SLC2A9: variants seen among roughly 807,000 people sequenced by gnomAD.
SLC2A9 encodes solute carrier family 2, facilitated glucose transporter member 9.
A neutral mutation model predicts 50.6 loss-of-function variants in SLC2A9; 39 were observed. The observed-to-expected ratio is 0.77, with a 90% CI of 0.60 to 1.01. The LOEUF (loss-of-function observed/expected upper bound fraction) is 1.01, where lower values mean the gene tolerates loss of function less well. SLC2A9 is among the 50% of genes least tolerant of loss of function. The pLI is 0.00. For missense variants in SLC2A9, 686 were observed against 677.6 expected (o/e 1.01, Z -0.14); for synonymous variants, 324 against 276.9 (o/e 1.17, Z -1.69).
chr4:9,973,552 TC>T (rs1429416388), intron 5 of SLC2A9, among the ~76,000 whole-genome samples: 1 of 151,960 alleles, frequency 6.6e-6, no homozygotes, highest in Non-Finnish European at 1.5e-5. Context: ...AGAGTTCATG[TC>T]CTTTGTAGGG....
chr4:9,786,041 A>C (rs537832879), intron 3 of SLC2A9, among the ~76,000 whole-genome samples: 1 of 152,328 alleles, frequency 6.6e-6, no homozygotes, highest in Admixed American at 6.5e-5. Flanking sequence ...TGGCAAGTGC[A>C]AAGGCTTGGA....
chr4:9,794,110 T>C (rs1183274541), downstream of SLC2A9, among the ~76,000 whole-genome samples: 1 of 152,194 alleles, frequency 6.6e-6, no homozygotes, highest in Non-Finnish European at 1.5e-5. Flanking sequence ...CCATATCATA[T>C]GCCACATTAG....
intron 5 of SLC2A9, among the ~76,000 whole-genome samples, chr4:9,962,536 T>C (rs1578102368): frequency 6.6e-6 from 1 of 151,656 alleles, no homozygotes; most frequent in Non-Finnish European, 1.5e-5. Flanking sequence ...ACGGACACAG[T>C]GAGGGGAACA....
At position 9,809,349 on chromosome 4, in the gene SLC2A9, G is replaced by T. The variant is rs561289182; in HGVS notation, n.421-10108C>A. On this transcript the variant is annotated intron_variant and non_coding_transcript_variant, in intron 3 of 3. Coordinates refer to the SLC2A9 transcript ENST00000503280. ...ATGGGAATGTTAGTGTTGCTCTGAA[G>T]CCAGGAAAGCACCTAGTTAGTGAGG... is the stretch of plus-strand genomic sequence containing the variant. Among the ~76,000 whole-genome samples, 6 of 152,272 alleles carry T rather than the reference G, an allele frequency of 3.9e-5. No individual in the cohort carries two copies. The East Asian group carries it at 1.2e-3, about 29-fold the overall frequency.
In SLC2A9 at chr4:9,826,263, T is replaced by C; in HGVS notation, c.*134A>G. 2.4e-6 allele frequency: 2 copies of C among 821,204 alleles called. No individual in the cohort carries two copies. The highest frequency in any genetic ancestry group is 1.5e-5 in the South Asian group (1 of 64,546). The allele number at this position is 821,204 out of a possible 1,614,324, so 50.9% of individuals were successfully genotyped here. Reference sequence around the variant, plus strand: ...GTTTACTTTTAAATATTTAATAATATAAAAGACTTGCATAGCTTCAATTCA... The same window carrying C: ...GTTTACTTTTAAATATTTAATAATACAAAAGACTTGCATAGCTTCAATTCA... On this transcript the variant is annotated 3_prime_UTR_variant, in exon 12 of 12. Coordinates refer to ENST00000264784, the MANE Select transcript of SLC2A9 (RefSeq NM_020041.3).
chr4:9,970,213 A>C (rs1457077962), intron 5 of SLC2A9, among the ~76,000 whole-genome samples: 1 of 152,196 alleles, frequency 6.6e-6, no homozygotes, highest in Non-Finnish European at 1.5e-5. Context: ...AATGTTGAGA[A>C]GGAGCAGCAT....
chr4:9,797,405 A>G (rs1236455808), downstream of SLC2A9, among the ~76,000 whole-genome samples: 3 of 152,214 alleles, frequency 2.0e-5, no homozygotes, highest in African/African-American at 4.8e-5. Flanking sequence ...TGTTCTTTGC[A>G]TGACCACTCT....
At chr4:9,943,086 TC>T (rs967569270) in intron 5 of SLC2A9, among the ~76,000 whole-genome samples, 2 of 152,098 alleles carry the variant, frequency 1.3e-5, no homozygotes, top group Non-Finnish European at 2.9e-5. Flanking sequence ...TCCCCACCTC[TC>T]CCCCAGCTGC....
chr4:9,846,524 G>T (rs1729021408), intron 10 of SLC2A9, among the ~76,000 whole-genome samples: 1 of 152,158 alleles, frequency 6.6e-6, no homozygotes. Flanking sequence ...CTCTCAGTGG[G>T]CTCCTCTGGC....
chr4:9,783,103 C>G, intron 3 of SLC2A9: 3 of 1,614,240 alleles, frequency 1.9e-6, no homozygotes, highest in Non-Finnish European at 2.5e-6. Context: ...ACCCCGTCAT[C>G]TATGCCTTCA....
At chr4:9,967,873 A>C (rs1419057348) in intron 5 of SLC2A9, among the ~76,000 whole-genome samples, 1 of 152,078 alleles carries the variant, frequency 6.6e-6, no homozygotes, top group Non-Finnish European at 1.5e-5. Flanking sequence ...AGTCTGTGTA[A>C]GTTGTAAAAG....
chr4:9,968,470 T>C (rs1048513119), intron 5 of SLC2A9, among the ~76,000 whole-genome samples: 44 of 152,298 alleles, frequency 2.9e-4, no homozygotes, highest in African/African-American at 9.6e-4. Context: ...ACACTAAAAA[T>C]GTTTGTCTCA....
intron 3 of SLC2A9, among the ~76,000 whole-genome samples, chr4:9,799,947 G>A (rs781600411): frequency 2.0e-5 from 3 of 152,234 alleles, no homozygotes; most frequent in Admixed American, 6.5e-5. Flanking sequence ...TTCAAGGGCG[G>A]ATGATGTGCT....
chr4:9,911,491 C>T (rs1471173841), intron 7 of SLC2A9, among the ~76,000 whole-genome samples: 3 of 152,166 alleles, frequency 2.0e-5, no homozygotes, highest in Non-Finnish European at 4.4e-5. Flanking sequence ...GCATCCTGCC[C>T]CGGAGCCCCG....
chr4:9,898,566 T>C (rs1739003082), intron 8 of SLC2A9, among the ~76,000 whole-genome samples: 1 of 152,256 alleles, frequency 6.6e-6, no homozygotes, highest in South Asian at 2.1e-4. Flanking sequence ...TACAGCGTCC[T>C]ACATGAGTTC....
chr4:9,789,995 T>C (rs1038022071), intron 3 of SLC2A9, among the ~76,000 whole-genome samples: 4 of 152,240 alleles, frequency 2.6e-5, no homozygotes, highest in African/African-American at 9.6e-5. Flanking sequence ...CATCTTCTCA[T>C]GCAATCATTG....
At chr4:10,022,954 G>A (rs995570106), upstream of SLC2A9, among the ~76,000 whole-genome samples, 7 of 152,206 alleles carry the variant, frequency 4.6e-5, no homozygotes, top group Admixed American at 2.6e-4. Context: ...GGCATGCCCC[G>A]GGAGAAGTGG....
downstream of SLC2A9, among the ~76,000 whole-genome samples, chr4:9,822,782 AT>A (rs1724587222): frequency 2.0e-5 from 3 of 151,888 alleles, no homozygotes; most frequent in Admixed American, 6.6e-5. Context: ...GACTTTCAAG[AT>A]TTTTTCCTTT....
At chr4:9,779,762 CTCTCT>C (rs1718088781), downstream of SLC2A9, 2 of 152,138 alleles carry the variant, frequency 1.3e-5, no homozygotes, top group Non-Finnish European at 2.9e-5. Flanking sequence ...CTCTCTCTCT[CTCTCT>C]CCCTCCCATT....
Sources: allele counts gnomAD v4.1 joint callset (sites outside exome capture counted in the v4.1 genomes callset), GRCh38; gene constraint gnomAD v4.1.1; transcripts MANE v1.5; gene names NCBI Gene and HGNC (gene_info 2026-07-23, HGNC 2026-07-21).